WDR72: variants seen among roughly 807,000 people sequenced by gnomAD.
WDR72 encodes WD repeat-containing protein 72.
In WDR72, 120 loss-of-function variants were observed where a neutral mutation model predicts 124.2. The ratio of observed to expected loss-of-function variants is 0.97; its 90% confidence interval spans 0.83 to 1.12. The LOEUF (loss-of-function observed/expected upper bound fraction) is 1.12. Ranked by LOEUF, WDR72 falls within the 50% of genes most tolerant of loss-of-function variation. The pLI, the probability that WDR72 is intolerant of heterozygous loss-of-function variation, is 0.00. For missense variants in WDR72, 1,387 were observed against 1,278.8 expected (o/e 1.08, Z -1.29); for synonymous variants, 452 against 441.7 (o/e 1.02, Z -0.29).
At chr15:53,665,227 T>C (rs905160148) in intron 14 of WDR72, among the ~76,000 whole-genome samples, 1 of 152,198 alleles carries the variant, frequency 6.6e-6, no homozygotes, top group East Asian at 1.9e-4. Context: ...TCAATCAGCA[T>C]TTTTAAGAGG....
At chr15:53,595,189 CA>C (rs1034691146) in intron 18 of WDR72, among the ~76,000 whole-genome samples, 1 of 151,858 alleles carries the variant, frequency 6.6e-6, no homozygotes, top group Non-Finnish European at 1.5e-5. Context: ...TTACCATAGG[CA>C]AAAAAAGGAC....
At chr15:53,666,217 A>G (rs2015775724) in intron 13 of WDR72, among the ~76,000 whole-genome samples, 1 of 152,224 alleles carries the variant, frequency 6.6e-6, no homozygotes, top group South Asian at 2.1e-4. Flanking sequence ...TGGAGCAAGT[A>G]AGAACACGGA....
chr15:53,617,899 C>G (rs1000835654), intron 14 of WDR72, among the ~76,000 whole-genome samples: 4 of 151,934 alleles, frequency 2.6e-5, no homozygotes, highest in Non-Finnish European at 5.9e-5. Context: ...AAGATAGTGG[C>G]TACCTTTTGA....
chr15:53,556,332 T>A (rs1040608489), intron 18 of WDR72, among the ~76,000 whole-genome samples: 3 of 152,146 alleles, frequency 2.0e-5, no homozygotes, highest in Non-Finnish European at 4.4e-5. Context: ...ACTAAAGGTT[T>A]GTGTTCCTTT....
At chr15:53,569,958 C>T (rs1248090770) in intron 18 of WDR72, among the ~76,000 whole-genome samples, 3 of 152,068 alleles carry the variant, frequency 2.0e-5, no homozygotes, top group African/African-American at 7.2e-5. Context: ...CACTTAACAA[C>T]TCAGTAGGAG....
At chr15:53,540,305 G>A (rs1893013142) in intron 18 of WDR72, among the ~76,000 whole-genome samples, 1 of 152,116 alleles carries the variant, frequency 6.6e-6, no homozygotes, top group Admixed American at 6.5e-5. Context: ...AGTACACCTT[G>A]TACTTAAGTG....
intron 17 of WDR72, among the ~76,000 whole-genome samples, chr15:53,606,224 G>A (rs1179353143): frequency 6.6e-6 from 1 of 152,158 alleles, no homozygotes; most frequent in African/African-American, 2.4e-5. Flanking sequence ...AGCAATTTAA[G>A]AGAAATGTTC....
At chr15:53,651,988 G>T (rs1047564240) in intron 14 of WDR72, 2 of 152,074 alleles carry the variant, frequency 1.3e-5, no homozygotes, top group African/African-American at 4.8e-5. Flanking sequence ...TCACTTCTCG[G>T]CCTTCTGGCT....
chr15:53,624,432 T>C (rs1473332480), intron 14 of WDR72, among the ~76,000 whole-genome samples: 1 of 152,246 alleles, frequency 6.6e-6, no homozygotes, highest in African/African-American at 2.4e-5. Context: ...TCCTCAAAGC[T>C]ATAATCTCTG....
chr15:53,622,687 C>T (rs1338785715), intron 14 of WDR72, among the ~76,000 whole-genome samples: 1 of 151,938 alleles, frequency 6.6e-6, no homozygotes, highest in Non-Finnish European at 1.5e-5. Context: ...GCCTTAATAC[C>T]TAGGTGATGG....
chr15:53,688,284 C>T (rs62007978), intron 13 of WDR72, among the ~76,000 whole-genome samples: 69,315 of 147,058 alleles, frequency 0.47, 17,479 homozygotes, highest in East Asian at 0.78. Context: ...TCCCTGTTTG[C>T]AGACGACATG....
intron 18 of WDR72, among the ~76,000 whole-genome samples, chr15:53,528,177 T>C (rs1892231070): frequency 6.6e-6 from 1 of 152,084 alleles, no homozygotes; most frequent in African/African-American, 2.4e-5. Context: ...ACAAGTGGCA[T>C]CTCTCTGGAC....
intron 1 of WDR72, among the ~76,000 whole-genome samples, chr15:53,741,471 T>C (rs1350567435): frequency 6.6e-6 from 1 of 152,200 alleles, no homozygotes; most frequent in East Asian, 1.9e-4. Context: ...ATAACCGTTA[T>C]TACCACATTG....
intron 13 of WDR72, among the ~76,000 whole-genome samples, chr15:53,688,769 C>A (rs921287034): frequency 4.6e-5 from 7 of 151,872 alleles, no homozygotes; most frequent in African/African-American, 1.2e-4. Context: ...CAATCCTAAG[C>A]CAAAAGAACA....
intron 13 of WDR72, among the ~76,000 whole-genome samples, chr15:53,668,969 AG>A (rs2015884585): frequency 9.9e-6 from 1 of 100,912 alleles, no homozygotes; most frequent in African/African-American, 3.4e-5. Context: ...GAGAAGGAGG[AG>A]GAGGAGGAGA....
chr15:53,612,185 T>C (rs576315807), intron 16 of WDR72, among the ~76,000 whole-genome samples: 5 of 152,292 alleles, frequency 3.3e-5, no homozygotes, highest in Admixed American at 6.5e-5. Context: ...TGTCCATTAA[T>C]TGAACTCATC....
chr15:53,541,286 C>A (rs1237194361), intron 18 of WDR72, among the ~76,000 whole-genome samples: 1 of 152,190 alleles, frequency 6.6e-6, no homozygotes, highest in East Asian at 1.9e-4. Flanking sequence ...CAGTACGCAG[C>A]TGGAGATCTG....
chr15:53,759,718 TCGCCCCGCCC>T (rs927758631), upstream of WDR72: 5 of 104,078 alleles, frequency 4.8e-5, no homozygotes, highest in Non-Finnish European at 7.8e-5. Flanking sequence ...CCCGCCCGCC[TCGCCCCGCCC>T]CGCCCCGCCC....
intron 17 of WDR72, among the ~76,000 whole-genome samples, chr15:53,598,322 T>C (rs1365267300): frequency 6.6e-6 from 1 of 152,120 alleles, no homozygotes; most frequent in Non-Finnish European, 1.5e-5. Flanking sequence ...AAGTCTGTCC[T>C]CTGTCAAGCT....
Sources: allele counts gnomAD v4.1 joint callset (sites outside exome capture counted in the v4.1 genomes callset), GRCh38; gene constraint gnomAD v4.1.1; transcripts MANE v1.5; gene names NCBI Gene and HGNC (gene_info 2026-07-23, HGNC 2026-07-21).